The following RNF121 variants were observed in gnomAD, a reference collection of about 807,000 sequenced individuals.
RNF121 encodes the protein E3 ubiquitin ligase RNF121.
A neutral mutation model predicts 46.5 loss-of-function variants in RNF121; 21 were observed. The observed-to-expected ratio is 0.45, with a 90% CI of 0.32 to 0.65. The LOEUF (loss-of-function observed/expected upper bound fraction) is 0.65. Among genes scored for constraint, RNF121 ranks in the 30% least tolerant of loss-of-function variants. The probability of loss-of-function intolerance (pLI) is 0.04; values close to 1 mark genes in which losing one functional copy is unlikely to be tolerated. For synonymous variants in RNF121, 139 were observed against 144.7 expected (o/e 0.96, Z 0.28); for missense variants, 346 against 416.0 (o/e 0.83, Z 1.46).
At chr11:71,943,370 G>A (rs1054955103) in intron 1 of RNF121, among the ~76,000 whole-genome samples, 6 of 152,228 alleles carry the variant, frequency 3.9e-5, no homozygotes, top group African/African-American at 9.6e-5. Flanking sequence ...TCAGGGAGAG[G>A]TTTGGACGTT....
rs1953199933 is a variant in RNF121 at position 71,929,203 on chromosome 11, C to T, written c.63+79C>T. 2.4e-5 allele frequency: 36 copies of T among 1,494,544 alleles called. No individual in the cohort carries two copies. The South Asian group carries it at 3.7e-4, about 15-fold the overall frequency. The allele number at this position is 1,494,544 out of a possible 1,614,324, so 92.6% of individuals were successfully genotyped here. ...CAGTGAGGTATCGGGAGGTGGGGGT[C>T]TTAGGAGAGAAGGGAAAGATCCTGA... On this transcript the variant is annotated intron_variant, in intron 1 of 8. Coordinates refer to ENST00000361756, the MANE Select transcript of RNF121 (RefSeq NM_018320.5).
chr11:71,957,077 G>T, intron 1 of RNF121, 150 bp from the exon 2 acceptor site: 1 of 714,416 alleles, frequency 1.4e-6, no homozygotes, highest in Non-Finnish European at 2.6e-6. Flanking sequence ...AGATCAGTGT[G>T]AAATAGAATG....
At chr11:71,933,272 C>G (rs774744219) in intron 1 of RNF121, among the ~76,000 whole-genome samples, 6 of 152,168 alleles carry the variant, frequency 3.9e-5, no homozygotes, top group Admixed American at 6.5e-5. Context: ...CTGGATGTGT[C>G]CACTCTCAAG....
At chr11:71,986,036 C>T (rs955169702) in intron 4 of RNF121, among the ~76,000 whole-genome samples, 2 of 152,146 alleles carry the variant, frequency 1.3e-5, no homozygotes, top group African/African-American at 4.8e-5. Flanking sequence ...TCTTCATTGG[C>T]TCCTGGGGCA....
At chr11:71,988,450 C>A (rs1303007468) in intron 5 of RNF121, among the ~76,000 whole-genome samples, 1 of 151,976 alleles carries the variant, frequency 6.6e-6, no homozygotes, top group Non-Finnish European at 1.5e-5. Context: ...TGGCCTCTTC[C>A]CTGAGCCTAG....
chr11:71,938,314 ATTTTTTTTT>A (rs71958930), intron 1 of RNF121, among the ~76,000 whole-genome samples: 1 of 94,926 alleles, frequency 1.1e-5, no homozygotes, highest in South Asian at 3.6e-4. Flanking sequence ...TAGTCTCTTA[ATTTTTTTTT>A]TTTTTTTTTT....
At chr11:71,929,530 T>TG (rs1953213334) in intron 1 of RNF121, among the ~76,000 whole-genome samples, 1 of 152,014 alleles carries the variant, frequency 6.6e-6, no homozygotes, top group South Asian at 2.1e-4. Flanking sequence ...GGGTGGGGGT[T>TG]GGGGACACAG....
Position 71,982,788 on chromosome 11 carries a change from G to T in RNF121, c.271G>T (p.Val91Phe). ...NMVTLFQMWV[V>F]PLYFTVKLHW... Reference sequence around the variant, plus strand: ...GGTGACCCTCTTTCAGATGTGGGTTGTTCCCCTCTATTTCACAGTGAAGCT... The same window carrying T: ...GGTGACCCTCTTTCAGATGTGGGTTTTTCCCCTCTATTTCACAGTGAAGCT... Residue 91 changes from valine (V) to phenylalanine (F), a missense_variant, in exon 4 of 9, where the codon GTT becomes TTT. By Grantham distance (50) the Val-to-Phe change is conservative. Around this residue, in one of 2 missense-constraint regions of RNF121, gnomAD observed 286 missense variants for 383.8 expected, o/e 0.75. Coordinates refer to ENST00000361756, the MANE Select transcript of RNF121 (RefSeq NM_018320.5). 1 of 1,612,952 alleles carries T rather than the reference G, an allele frequency of 6.2e-7. No homozygotes were observed. Among genetic ancestry groups the T allele is most frequent in the Non-Finnish European group, 8.5e-7 (1 of 1,179,540 alleles).
intron 3 of RNF121, among the ~76,000 whole-genome samples, chr11:71,973,995 G>T (rs1420856607): frequency 1.3e-5 from 2 of 152,180 alleles, no homozygotes; most frequent in Non-Finnish European, 2.9e-5. Context: ...AGGCCAGACT[G>T]CAGTGGCGCT....
chr11:71,931,135 A>G (rs550872961), intron 1 of RNF121, among the ~76,000 whole-genome samples: 31 of 152,320 alleles, frequency 2.0e-4, no homozygotes, highest in Non-Finnish European at 3.8e-4. Flanking sequence ...GCGCCCGGCT[A>G]AGAAAATAAC....
intron 8 of RNF121, 54 bp downstream of exon 8, chr11:71,995,605 C>T: frequency 7.2e-7 from 1 of 1,394,926 alleles, no homozygotes; most frequent in African/African-American, 1.4e-5. Context: ...AAAGTACTGG[C>T]CAGTGTGACC....
intron 1 of RNF121, among the ~76,000 whole-genome samples, chr11:71,947,483 CAA>C (rs35167855): frequency 6.9e-6 from 1 of 145,436 alleles, no homozygotes; most frequent in Non-Finnish European, 1.5e-5. Context: ...AGACCTGTCT[CAA>C]AAAAAAAAAA....
intron 4 of RNF121, chr11:71,983,565 C>T (rs1225309570): frequency 6.6e-6 from 1 of 152,190 alleles, no homozygotes; most frequent in Admixed American, 6.5e-5. Context: ...TCATTTGATC[C>T]TCCCCACCAG....
At chr11:71,958,035 G>A (rs1954033706) in intron 2 of RNF121, among the ~76,000 whole-genome samples, 1 of 152,194 alleles carries the variant, frequency 6.6e-6, no homozygotes, top group South Asian at 2.1e-4. Flanking sequence ...TTTAAGCTTA[G>A]TATGAACCAG....
rs1258217881 is a variant in RNF121 at position 71,960,763 on chromosome 11, C to G, written c.115C>G (p.Arg39Gly). Reference protein sequence around the residue: ...PEEQWRVEHARMHAKHRGHEA... With the variant: ...PEEQWRVEHAGMHAKHRGHEA... ...TTTGGCTTTCAGGGTCGAGCACGCA[C>G]GCATGCATGCCAAGCACCGTGGCCA... The change falls in exon 3 of 9, where the codon CGC becomes GGC. Residue 39 changes from arginine to glycine, a missense_variant. Arg to Gly is a moderately radical substitution (Grantham distance 125). Around this residue, in one of 2 missense-constraint regions of RNF121, gnomAD observed 286 missense variants for 383.8 expected, o/e 0.75. Coordinates refer to ENST00000361756, the MANE Select transcript of RNF121 (RefSeq NM_018320.5). 3.1e-6 allele frequency: 5 copies of G among 1,613,706 alleles called. No individual in the cohort carries two copies. The highest frequency in any genetic ancestry group is 4.2e-6 in the Non-Finnish European group (5 of 1,179,812).
intron 3 of RNF121, among the ~76,000 whole-genome samples, chr11:71,961,422 G>C (rs916766769): frequency 6.6e-5 from 10 of 152,162 alleles, no homozygotes; most frequent in Non-Finnish European, 1.2e-4. Context: ...TTAGCCAGGC[G>C]TGGTGGCATG....
chr11:71,976,451 G>C (rs1166441493), intron 3 of RNF121, among the ~76,000 whole-genome samples: 1 of 147,802 alleles, frequency 6.8e-6, no homozygotes, highest in African/African-American at 2.5e-5. Flanking sequence ...CGCCTCCCGG[G>C]TTCAAGCGAT....
intron 2 of RNF121, among the ~76,000 whole-genome samples, chr11:71,960,391 G>T (rs766352565): frequency 2.0e-5 from 3 of 152,130 alleles, no homozygotes; most frequent in Non-Finnish European, 4.4e-5. Context: ...TTACTTTCTC[G>T]TTCCAGCATC....
At chr11:71,976,327 C>T (rs1954524738) in intron 3 of RNF121, among the ~76,000 whole-genome samples, 1 of 150,962 alleles carries the variant, frequency 6.6e-6, no homozygotes, top group Admixed American at 6.6e-5. Context: ...CTGCTGCCCC[C>T]TCCATTCTGG....
Sources: gnomAD v4.1 joint callset for allele counts (sites outside exome capture counted in the v4.1 genomes callset) on GRCh38, gnomAD v4.1.1 for gene constraint, gnomAD v4.1.1 regional missense constraint, MANE v1.5 for transcripts, NCBI Gene and HGNC (gene_info 2026-07-23, HGNC 2026-07-21) for gene names.